Variants in SLC13A3 observed in about 807,000 individuals in gnomAD.
SLC13A3 encodes the protein solute carrier family 13 member 3, also known as Na(+)/dicarboxylate cotransporter 3.
SLC13A3 carries 40 observed loss-of-function variants against 59.0 expected under a neutral mutation model. That is an observed-to-expected ratio of 0.68 (90% CI 0.53 to 0.88). The LOEUF (loss-of-function observed/expected upper bound fraction) is 0.88, where lower values mean the gene tolerates loss of function less well. Ranked by LOEUF, SLC13A3 falls within the 40% of genes least tolerant of loss-of-function variation. The pLI is 0.00. For synonymous variants in SLC13A3, 317 were observed against 330.3 expected (o/e 0.96, Z 0.44); for missense variants, 699 against 783.2 (o/e 0.89, Z 1.28).
chr20:46,650,289 G>A lies in SLC13A3; in HGVS notation c.111+1022C>T, dbSNP rs756675369. 7.9e-5 allele frequency among the ~76,000 whole-genome samples: 12 copies of A among 152,056 alleles called. No individual in the cohort carries two copies. The East Asian group carries it at 1.2e-3, about 15-fold the overall frequency. On this transcript the variant is annotated intron_variant, in intron 1 of 12. Coordinates refer to ENST00000279027, the MANE Select transcript of SLC13A3 (RefSeq NM_022829.6). ...CTAGGGTTCTGGATTCTGACAAGCC[G>A]GGGACTGAATACCGACATAGTCACT...
chr20:46,614,399 C>G (rs113986342), intron 1 of SLC13A3, among the ~76,000 whole-genome samples: 3 of 152,204 alleles, frequency 2.0e-5, no homozygotes, highest in Non-Finnish European at 4.4e-5. Context: ...TCAGCACTTC[C>G]GGCATCCTTA....
chr20:46,657,697 G>A (rs544572698), intron 1 of SLC13A3, among the ~76,000 whole-genome samples: 1 of 152,254 alleles, frequency 6.6e-6, no homozygotes, highest in African/African-American at 2.4e-5. Context: ...TGAGCTCATC[G>A]TTCTGCAAGG....
At chr20:46,680,483 C>A (rs953997372) in intron 1 of SLC13A3, among the ~76,000 whole-genome samples, 1 of 152,154 alleles carries the variant, frequency 6.6e-6, no homozygotes, top group Non-Finnish European at 1.5e-5. Flanking sequence ...ACCTATTGCC[C>A]CAGAGGCAGG....
intron 3 of SLC13A3, 23 bp downstream of exon 3, chr20:46,610,423 C>T: frequency 6.3e-7 from 1 of 1,594,094 alleles, no homozygotes; most frequent in Non-Finnish European, 8.5e-7. Context: ...GGATTTGGCC[C>T]CAATCCCTTA....
At chr20:46,581,581 AG>A (rs890357376) in intron 9 of SLC13A3, among the ~76,000 whole-genome samples, 2 of 152,196 alleles carry the variant, frequency 1.3e-5, no homozygotes, top group African/African-American at 4.8e-5. Context: ...CAAAGGCTCC[AG>A]GGAAGCAGAG....
At chr20:46,564,350 G>A (rs847065) in intron 11 of SLC13A3, among the ~76,000 whole-genome samples, 105,608 of 152,192 alleles carry the variant, frequency 0.69, 36,901 homozygotes, top group East Asian at 0.82. Flanking sequence ...CTTTTATGGC[G>A]TTTTACTTAA....
intron 3 of SLC13A3, among the ~76,000 whole-genome samples, chr20:46,602,078 A>G (rs1233954421): frequency 2.0e-5 from 3 of 152,208 alleles, no homozygotes; most frequent in Non-Finnish European, 4.4e-5. Flanking sequence ...TCATGCCTAT[A>G]ATCCCAGCTA....
chr20:46,565,516 G>A (rs1039536702), intron 11 of SLC13A3, among the ~76,000 whole-genome samples: 1 of 152,076 alleles, frequency 6.6e-6, no homozygotes, highest in Non-Finnish European at 1.5e-5. Flanking sequence ...CAGAGATGGG[G>A]TCTCACCATG....
rs528016186 is a variant in SLC13A3, at chr20:46,614,733, T to C, written c.112-1008A>G. On this transcript the variant is annotated intron_variant, in intron 1 of 12. Transcript: ENST00000279027. Reference sequence around the variant, plus strand: ...GGAAACTGAGGTGCAAGGAGGTGGTTAGCAAGGTAATGGCTGTGCAGACCA... The same window carrying C: ...GGAAACTGAGGTGCAAGGAGGTGGTCAGCAAGGTAATGGCTGTGCAGACCA... Among the ~76,000 whole-genome samples, 45 of 152,282 alleles carry C rather than the reference T, an allele frequency of 3.0e-4. 2 individuals carry two copies. The South Asian group carries it at 9.3e-3, about 32-fold the overall frequency.
upstream of SLC13A3, among the ~76,000 whole-genome samples, chr20:46,674,598 CGCGCGCGTGTGT>C (rs1041282183): frequency 1.8e-5 from 1 of 55,902 alleles, no homozygotes; most frequent in South Asian, 5.9e-4. Flanking sequence ...TGCGCGCGCG[CGCGCGCGTGTGT>C]GTGTGTGTGT....
chr20:46,568,361 G>A (rs937221219), intron 10 of SLC13A3, among the ~76,000 whole-genome samples: 1 of 127,550 alleles, frequency 7.8e-6, no homozygotes, highest in South Asian at 2.6e-4. Context: ...TCACGCCACC[G>A]CACTCCAGTC....
chr20:46,562,587 G>A (rs2061940669), intron 12 of SLC13A3, among the ~76,000 whole-genome samples: 1 of 152,138 alleles, frequency 6.6e-6, no homozygotes, highest in African/African-American at 2.4e-5. Flanking sequence ...AAAATCTGCT[G>A]AACTTGTTCA....
intron 1 of SLC13A3, among the ~76,000 whole-genome samples, chr20:46,627,805 T>C (rs1326575479): frequency 1.3e-5 from 2 of 152,154 alleles, no homozygotes; most frequent in Non-Finnish European, 2.9e-5. Context: ...GTTGACAGAT[T>C]AGTAGGGATC....
At chr20:46,580,797 T>C (rs2062128073) in intron 9 of SLC13A3, among the ~76,000 whole-genome samples, 1 of 152,004 alleles carries the variant, frequency 6.6e-6, no homozygotes, top group South Asian at 2.1e-4. Context: ...CTAAAACAGG[T>C]CCTGGGCGGA....
chr20:46,663,081 G>A (rs1436662762), intron 1 of SLC13A3, among the ~76,000 whole-genome samples: 1 of 152,102 alleles, frequency 6.6e-6, no homozygotes, highest in African/African-American at 2.4e-5. Flanking sequence ...GAGACCAGAA[G>A]TTTGATATCA....
chr20:46,560,297 G>C (rs949437808), intron 12 of SLC13A3, 99 bp from the exon 13 acceptor site: 1 of 1,174,616 alleles, frequency 8.5e-7, no homozygotes, highest in African/African-American at 1.5e-5. Flanking sequence ...ACCCAAGATC[G>C]CACAGCCAGG....
chr20:46,591,537 G>A (rs2062256872), intron 6 of SLC13A3, among the ~76,000 whole-genome samples: 1 of 152,168 alleles, frequency 6.6e-6, no homozygotes, highest in South Asian at 2.1e-4. Context: ...TCAAGTCTCT[G>A]GGTCTGAAGC....
intron 1 of SLC13A3, among the ~76,000 whole-genome samples, chr20:46,680,716 T>C (rs1213713226): frequency 6.6e-6 from 1 of 152,248 alleles, no homozygotes; most frequent in Non-Finnish European, 1.5e-5. Flanking sequence ...AAGCTGCTGC[T>C]GGGTCTCAGC....
intron 1 of SLC13A3, among the ~76,000 whole-genome samples, chr20:46,666,653 A>T (rs1318243430): frequency 6.6e-6 from 1 of 152,020 alleles, no homozygotes; most frequent in East Asian, 1.9e-4. Context: ...ACAGGCGCAC[A>T]CCACCATGCC....
Sources: allele counts gnomAD v4.1 joint callset (sites outside exome capture counted in the v4.1 genomes callset), GRCh38; gene constraint gnomAD v4.1.1; transcripts MANE v1.5; gene names NCBI Gene and HGNC (gene_info 2026-07-23, HGNC 2026-07-21).